PARD3: variants seen among roughly 807,000 people sequenced by gnomAD.
PARD3 encodes partitioning defective 3 homolog.
Under a neutral mutation model 155.4 loss-of-function variants are expected in PARD3, and 75 were observed. That is an observed-to-expected ratio of 0.48 (90% CI 0.40 to 0.58). The LOEUF is 0.58. Among genes scored for constraint, PARD3 ranks in the 20% least tolerant of loss-of-function variants. The pLI, the probability that PARD3 is intolerant of heterozygous loss-of-function variation, is 0.00. For missense variants in PARD3, 1,642 were observed against 1,721.7 expected, an observed-to-expected ratio of 0.95 and a Z score of 0.82; for synonymous variants, 576 against 610.5, an observed-to-expected ratio of 0.94 and a Z score of 0.83.
intron 5 of PARD3, among the ~76,000 whole-genome samples, chr10:34,404,689 G>C (rs1306418219): frequency 1.3e-5 from 2 of 151,788 alleles, no homozygotes; most frequent in Non-Finnish European, 2.9e-5. Flanking sequence ...AACAGACCTG[G>C]GCGTGAATAG....
At chr10:34,122,060 A>G (rs1947034730) in intron 23 of PARD3, among the ~76,000 whole-genome samples, 2 of 152,228 alleles carry the variant, frequency 1.3e-5, no homozygotes, top group Non-Finnish European at 2.9e-5. Context: ...CTTGAGATAA[A>G]CCACTGGACA....
chr10:34,484,589 T>C (rs2079315433), intron 3 of PARD3, among the ~76,000 whole-genome samples: 1 of 152,144 alleles, frequency 6.6e-6, no homozygotes, highest in Admixed American at 6.5e-5. Context: ...TATCAACCCA[T>C]ATTTTTGAGC....
Position 34,557,365 on chromosome 10 carries a change from G to A in PARD3, c.223-40206C>T, listed in dbSNP as rs550150851. On this transcript the variant is annotated intron_variant, in intron 2 of 24. Coordinates refer to ENST00000374788, the MANE Select transcript of PARD3 (RefSeq NM_001184785.2). ...AACAGAATAACTAGAAAATACAAAA[G>A]AGCCAGGGTCAGCAAAATCCCAGCA... Among the ~76,000 whole-genome samples, 13 of 152,174 alleles carry A rather than the reference G, an allele frequency of 8.5e-5. No individual in the cohort carries two copies. The South Asian group carries it at 2.7e-3, about 32-fold the overall frequency.
chr10:34,573,996 T>C (rs1423759962), intron 2 of PARD3, among the ~76,000 whole-genome samples: 1 of 152,196 alleles, frequency 6.6e-6, no homozygotes, highest in Non-Finnish European at 1.5e-5. Context: ...GTTATGCCCT[T>C]TGTATTTATC....
At chr10:34,261,729 GAAGGAAGA>G (rs1554820264) in intron 22 of PARD3, among the ~76,000 whole-genome samples, 2 of 56,668 alleles carry the variant, frequency 3.5e-5, no homozygotes, top group South Asian at 3.6e-4. Context: ...AGGAAGAAAG[GAAGGAAGA>G]AAGGAAGAAA....
chr10:34,613,035 A>T (rs180848148), intron 2 of PARD3, among the ~76,000 whole-genome samples: 1 of 152,334 alleles, frequency 6.6e-6, no homozygotes, highest in Non-Finnish European at 1.5e-5. Context: ...CCAAAGCTAC[A>T]AACAGTACAA....
intron 22 of PARD3, among the ~76,000 whole-genome samples, chr10:34,171,228 C>T (rs560513694): frequency 2.0e-5 from 3 of 152,240 alleles, no homozygotes; most frequent in South Asian, 2.1e-4. Flanking sequence ...AGAAGGTTAA[C>T]GGATCTTTTA....
chr10:34,631,538 A>T (rs991422402), intron 2 of PARD3, among the ~76,000 whole-genome samples: 1 of 152,218 alleles, frequency 6.6e-6, no homozygotes, highest in Non-Finnish European at 1.5e-5. Context: ...ACAGCATCAC[A>T]GGAATTGCCA....
At chr10:34,154,308 A>C (rs752843782) in intron 22 of PARD3, among the ~76,000 whole-genome samples, 18 of 152,164 alleles carry the variant, frequency 1.2e-4, no homozygotes, top group South Asian at 2.1e-4. Flanking sequence ...TAATACTACT[A>C]ATAATACGTG....
At chr10:34,623,288 C>T (rs556695459) in intron 2 of PARD3, among the ~76,000 whole-genome samples, 4 of 152,278 alleles carry the variant, frequency 2.6e-5, no homozygotes, top group South Asian at 4.1e-4. Context: ...ATGTCTGACA[C>T]CTATTTATAG....
In PARD3 at chr10:34,456,400, G is replaced by A. The variant is rs950353454; in HGVS notation, c.583-5952C>T. On this transcript the variant is annotated intron_variant, in intron 4 of 24. Coordinates refer to ENST00000374788, the MANE Select transcript of PARD3 (RefSeq NM_001184785.2). The stretch of plus-strand genomic sequence containing the variant: ...CAACCTCCGTCTCCCTGGTTCAAAC[G>A]ATTCTCCTGCCTCAGCCTCCCGAGT... 4.6e-5 allele frequency among the ~76,000 whole-genome samples: 7 copies of A among 152,060 alleles called. No individual in the cohort carries two copies. In the East Asian group the frequency reaches 9.6e-4, roughly 21 times the overall value.
chr10:34,294,464 T>A (rs1956816036), intron 20 of PARD3, among the ~76,000 whole-genome samples: 6 of 152,210 alleles, frequency 3.9e-5, no homozygotes, highest in Admixed American at 3.9e-4. Context: ...TTCTGGAAAC[T>A]TTGAAAGATT....
intron 3 of PARD3, among the ~76,000 whole-genome samples, chr10:34,482,314 G>A (rs1440398928): frequency 6.6e-6 from 1 of 151,994 alleles, no homozygotes; most frequent in African/African-American, 2.4e-5. Context: ...GTACAGGCAT[G>A]AGTCATCATG....
At chr10:34,614,760 A>T (rs532961059) in intron 2 of PARD3, among the ~76,000 whole-genome samples, 2 of 152,344 alleles carry the variant, frequency 1.3e-5, no homozygotes, top group Admixed American at 1.3e-4. Flanking sequence ...GACACCAAGG[A>T]CATTCTTCAC....
intron 20 of PARD3, among the ~76,000 whole-genome samples, chr10:34,314,726 A>G (rs575061287): frequency 1.3e-5 from 2 of 152,382 alleles, no homozygotes; most frequent in South Asian, 4.1e-4. Flanking sequence ...ATATAGTATT[A>G]GCCCTATGTC....
intron 12 of PARD3, 34 bp from the exon 13 acceptor site, chr10:34,360,293 G>A (rs781113355): frequency 1.4e-6 from 2 of 1,464,604 alleles, no homozygotes; most frequent in Non-Finnish European, 1.9e-6. Flanking sequence ...GCACATTATA[G>A]TCCAATGTTT....
chr10:34,174,928 C>T (rs1949967047), intron 22 of PARD3, among the ~76,000 whole-genome samples: 1 of 152,066 alleles, frequency 6.6e-6, no homozygotes, highest in Admixed American at 6.5e-5. Context: ...ATTTATAATA[C>T]AATTCGTTTC....
chr10:34,748,289 G>A (rs1835558210), intron 1 of PARD3, among the ~76,000 whole-genome samples: 1 of 151,976 alleles, frequency 6.6e-6, no homozygotes, highest in African/African-American at 2.4e-5. Flanking sequence ...GTCCAACACG[G>A]CAAAACCCTG....
At chr10:34,786,217 CA>C (rs1840941939) in intron 1 of PARD3, among the ~76,000 whole-genome samples, 1 of 152,210 alleles carries the variant, frequency 6.6e-6, no homozygotes, top group African/African-American at 2.4e-5. Flanking sequence ...GTGGAAGCTC[CA>C]TCTTGCAAAT....
Sources: gnomAD v4.1 joint callset for allele counts (sites outside exome capture counted in the v4.1 genomes callset) on GRCh38, gnomAD v4.1.1 for gene constraint, MANE v1.5 for transcripts, NCBI Gene and HGNC (gene_info 2026-07-23, HGNC 2026-07-21) for gene names.